Variants in DYNAP observed in about 807,000 individuals in gnomAD.
DYNAP encodes the protein dynactin associated protein.
DYNAP carries 7 observed loss-of-function variants against 8.5 expected under a neutral mutation model. The ratio of observed to expected loss-of-function variants is 0.82; its 90% CI spans 0.47 to 1.54. The LOEUF is 1.54. Ranked by LOEUF, DYNAP falls within the 40% of genes most tolerant of loss-of-function variation. DYNAP has a pLI of 0.01. For missense variants in DYNAP, 256 were observed against 224.3 expected, an observed-to-expected ratio of 1.14 and a Z score of -0.90; for synonymous variants, 77 against 77.9, an observed-to-expected ratio of 0.99 and a Z score of 0.06.
At position 54,598,859 on chromosome 18, in the gene DYNAP, C is replaced by T. The variant is rs535959326; in HGVS notation, c.*714C>T. On this transcript the variant is annotated 3_prime_UTR_variant, in exon 3 of 3. Coordinates refer to ENST00000648945, the MANE Select transcript of DYNAP (RefSeq NM_173629.3). ...GGTCTAATAAGAAACACTTTACAAC[C>T]TGCTCTCTCTCTGAAGTCTGCTTTC... is the stretch of plus-strand genomic sequence containing the variant. 6.6e-6 allele frequency: 1 copy of T among 152,224 alleles called. No individual in the cohort carries two copies. The highest frequency in any genetic ancestry group is 6.6e-5 in the Admixed American group (1 of 15,258). 9.4% of individuals were successfully genotyped at this position (152,224 alleles called of 1,614,324 possible).
intron 1 of DYNAP, among the ~76,000 whole-genome samples, chr18:54,592,647 T>G (rs1911127928): frequency 6.6e-6 from 1 of 152,132 alleles, no homozygotes; most frequent in African/African-American, 2.4e-5. Flanking sequence ...CAGTTGCCTG[T>G]GGCCATTATT....
At chr18:54,578,668 C>T in the DYNAP span, among the ~76,000 whole-genome samples, 117 of 152,180 alleles carry the variant, frequency 7.7e-4, no homozygotes, top group African/African-American at 2.6e-3. Context: ...GTGAATCTTT[C>T]GCCTGGTTTT....
chr18:54,577,004 T>A, the DYNAP span, among the ~76,000 whole-genome samples: 2 of 152,332 alleles, frequency 1.3e-5, no homozygotes, highest in African/African-American at 4.8e-5. Flanking sequence ...TAGCTTTATG[T>A]AGAGTATCTT....
At chr18:54,586,577 G>T (rs1010364590), upstream of DYNAP, among the ~76,000 whole-genome samples, 3 of 152,136 alleles carry the variant, frequency 2.0e-5, no homozygotes, top group East Asian at 5.8e-4. Flanking sequence ...AAAGTTGTAT[G>T]ATCTTGACAG....
intron 2 of DYNAP, among the ~76,000 whole-genome samples, chr18:54,595,907 A>G (rs1160896750): frequency 6.6e-6 from 1 of 152,062 alleles, no homozygotes; most frequent in African/African-American, 2.4e-5. Context: ...AACAATATGA[A>G]CTTTATACTG....
chr18:54,593,729 A>G (rs1033464782), intron 1 of DYNAP, among the ~76,000 whole-genome samples: 1 of 152,088 alleles, frequency 6.6e-6, no homozygotes, highest in Non-Finnish European at 1.5e-5. Context: ...GATCTAGACC[A>G]TCCTGAGCAA....
At chr18:54,582,670 T>C in the DYNAP span, among the ~76,000 whole-genome samples, 7 of 152,364 alleles carry the variant, frequency 4.6e-5, no homozygotes, top group South Asian at 1.4e-3. Flanking sequence ...TCTTCAAAAA[T>C]GCTGTTGTCC....
intron 2 of DYNAP, 137 bp from the exon 3 acceptor site, chr18:54,597,675 TG>T (rs11299015): frequency 0.15 from 132,624 of 897,360 alleles, 10,331 homozygotes; most frequent in Middle Eastern, 0.16. Flanking sequence ...CATGAAAACA[TG>T]GACTTCAAGC....
upstream of DYNAP, among the ~76,000 whole-genome samples, chr18:54,590,085 C>G (rs1355619912): frequency 6.6e-6 from 1 of 152,094 alleles, no homozygotes; most frequent in Non-Finnish European, 1.5e-5. Flanking sequence ...CAATATTCTG[C>G]AACCATCACT....
intron 1 of DYNAP, among the ~76,000 whole-genome samples, chr18:54,593,045 A>G (rs961420447): frequency 4.6e-5 from 7 of 152,166 alleles, no homozygotes; most frequent in Non-Finnish European, 7.3e-5. Context: ...AACTTATTCA[A>G]ATTTGCATAA....
At chr18:54,595,734 CT>C (rs1022622635) in intron 2 of DYNAP, among the ~76,000 whole-genome samples, 21 of 152,228 alleles carry the variant, frequency 1.4e-4, no homozygotes, top group African/African-American at 4.6e-4. Context: ...ATCTTTAAGT[CT>C]TCAGCCCTTG....
chr18:54,598,669 A>C lies in DYNAP; in HGVS notation c.*524A>C, dbSNP rs1568243766. Reference sequence around the variant, plus strand: ...TGGCATAACAAGGGAAAAAAATCAAAATGTTTTACCCCAAAATATATTTCC... The same window carrying C: ...TGGCATAACAAGGGAAAAAAATCAACATGTTTTACCCCAAAATATATTTCC... On this transcript the variant is annotated 3_prime_UTR_variant, in exon 3 of 3. Coordinates refer to ENST00000648945, the MANE Select transcript of DYNAP (RefSeq NM_173629.3). 1 of 152,780 alleles carries C rather than the reference A, an allele frequency of 6.5e-6. No homozygotes were observed. Among genetic ancestry groups the C allele is most frequent in the African/African-American group, 2.4e-5 (1 of 41,448 alleles). The allele number at this position is 152,780 out of a possible 1,614,324, so 9.5% of individuals were successfully genotyped here.
At position 54,599,314 on chromosome 18, in the gene DYNAP, A is replaced by G. The variant is rs1021892590; in HGVS notation, c.*1169A>G. The G allele has an allele frequency of 3.9e-5, 6 of 152,110 alleles. No individual in the cohort carries two copies. The highest frequency in any genetic ancestry group is 1.2e-4 in the African/African-American group (5 of 41,438). The allele number at this position is 152,110 out of a possible 1,614,324, so 9.4% of individuals were successfully genotyped here. ...CCATTACCACTTAAAACTTGATAGA[A>G]CTAGCATCAGTCATCAAAATAACCT... On this transcript the variant is annotated 3_prime_UTR_variant, in exon 3 of 3. Coordinates refer to ENST00000648945, the MANE Select transcript of DYNAP (RefSeq NM_173629.3).
chr18:54,588,350 C>T (rs1438579190), upstream of DYNAP, among the ~76,000 whole-genome samples: 1 of 151,946 alleles, frequency 6.6e-6, no homozygotes, highest in Non-Finnish European at 1.5e-5. Context: ...AGATTACAGG[C>T]ATCCGTCATC....
intron 2 of DYNAP, 42 bp from the exon 3 acceptor site, chr18:54,597,771 A>G: frequency 6.5e-7 from 1 of 1,549,134 alleles, no homozygotes; most frequent in Non-Finnish European, 8.7e-7. Context: ...AATTACAAGC[A>G]TTTTTGTTTT....
intron 1 of DYNAP, among the ~76,000 whole-genome samples, chr18:54,594,114 T>A (rs552393342): frequency 1.3e-5 from 2 of 152,244 alleles, no homozygotes; most frequent in South Asian, 4.2e-4. Flanking sequence ...TTCTGAATAA[T>A]TTACAATTAT....
At chr18:54,596,171 T>G (rs1911279615) in intron 2 of DYNAP, among the ~76,000 whole-genome samples, 1 of 151,830 alleles carries the variant, frequency 6.6e-6, no homozygotes, top group Non-Finnish European at 1.5e-5. Context: ...CTTCTGGGCT[T>G]AAACAATCCT....
chr18:54,590,839 C>T (rs1381280762), upstream of DYNAP, among the ~76,000 whole-genome samples: 2 of 152,056 alleles, frequency 1.3e-5, no homozygotes, highest in Non-Finnish European at 2.9e-5. Flanking sequence ...GGTGAAGTGT[C>T]CCTAAGGTCA....
At chr18:54,596,315 C>T (rs1026368454) in intron 2 of DYNAP, among the ~76,000 whole-genome samples, 1 of 152,050 alleles carries the variant, frequency 6.6e-6, no homozygotes, top group Non-Finnish European at 1.5e-5. Context: ...TCAAGGGATC[C>T]ACCCGCTTCA....
Sources: allele counts gnomAD v4.1 joint callset (sites outside exome capture counted in the v4.1 genomes callset), GRCh38; gene constraint gnomAD v4.1.1; transcripts MANE v1.5; gene names NCBI Gene and HGNC (gene_info 2026-07-23, HGNC 2026-07-21).